STARD3NL: variants seen among roughly 807,000 people sequenced by gnomAD.
The protein encoded by STARD3NL is STARD3 N-terminal-like protein.
A neutral mutation model predicts 30.9 loss-of-function variants in STARD3NL; 17 were observed. That is an observed-to-expected ratio of 0.55 (90% CI 0.38 to 0.82). The LOEUF is 0.82. Among genes scored for constraint, STARD3NL ranks in the 40% least tolerant of loss-of-function variants. The pLI, the probability that STARD3NL is intolerant of heterozygous loss-of-function variation, is 0.00. For synonymous variants in STARD3NL, 112 were observed against 100.5 expected (o/e 1.11, Z -0.69); for missense variants, 234 against 277.6 (o/e 0.84, Z 1.12).
intron 7 of STARD3NL, among the ~76,000 whole-genome samples, chr7:38,221,862 T>C (rs1250421261): frequency 1.3e-5 from 2 of 152,216 alleles, no homozygotes; most frequent in Non-Finnish European, 2.9e-5. Flanking sequence ...CTCCAGCCAT[T>C]GTCCACCTTG....
At chr7:38,178,790 A>T (rs1784125634) in intron 1 of STARD3NL, among the ~76,000 whole-genome samples, 1 of 151,818 alleles carries the variant, frequency 6.6e-6, no homozygotes, top group African/African-American at 2.4e-5. Flanking sequence ...AGAATTGGTG[A>T]CTGGGTGTAA....
At chr7:38,220,839 C>T (rs553672191) in intron 7 of STARD3NL, among the ~76,000 whole-genome samples, 6 of 152,316 alleles carry the variant, frequency 3.9e-5, no homozygotes, top group African/African-American at 1.4e-4. Context: ...CACAGTGGCT[C>T]ATGCCTATAA....
At chr7:38,217,407 T>G (rs1583821923) in intron 6 of STARD3NL, 102 bp downstream of exon 6, 13 of 1,065,126 alleles carry the variant, frequency 1.2e-5, no homozygotes, top group Non-Finnish European at 7.0e-6. Context: ...ATGGGTAGAG[T>G]TAGGCAGTGG....
At chr7:38,220,275 C>A (rs1786376649) in intron 7 of STARD3NL, among the ~76,000 whole-genome samples, 2 of 152,144 alleles carry the variant, frequency 1.3e-5, no homozygotes, top group African/African-American at 4.8e-5. Flanking sequence ...AACAATTACA[C>A]TCAGCAACAA....
intron 4 of STARD3NL, chr7:38,216,714 A>C (rs1421268276): frequency 2.7e-6 from 1 of 372,138 alleles, no homozygotes; most frequent in Non-Finnish European, 4.9e-6. Context: ...CAGTCTCTTC[A>C]TGTGCTTGTA....
chr7:38,206,725 T>G (rs946631258), intron 1 of STARD3NL, among the ~76,000 whole-genome samples: 3 of 152,136 alleles, frequency 2.0e-5, no homozygotes, highest in African/African-American at 7.2e-5. Context: ...TATAAGGTAC[T>G]TTTGATGGAA....
intron 1 of STARD3NL, among the ~76,000 whole-genome samples, chr7:38,178,907 C>T (rs898588550): frequency 6.6e-6 from 1 of 151,766 alleles, no homozygotes; most frequent in Non-Finnish European, 1.5e-5. Context: ...TGAATGTTCT[C>T]CCTGTGGTTT....
At chr7:38,209,022 T>C (rs771568126) in intron 2 of STARD3NL, among the ~76,000 whole-genome samples, 1 of 152,166 alleles carries the variant, frequency 6.6e-6, no homozygotes, top group African/African-American at 2.4e-5. Flanking sequence ...ATTTGTCCCA[T>C]AATCACAGTG....
chr7:38,195,486 T>G (rs1040979412), intron 1 of STARD3NL, among the ~76,000 whole-genome samples: 11 of 152,352 alleles, frequency 7.2e-5, no homozygotes, highest in African/African-American at 2.6e-4. Context: ...TTGTGTGAGC[T>G]GTGAACCTCC....
At position 38,182,363 on chromosome 7, in the gene STARD3NL, A is replaced by G. The variant is rs74472738; in HGVS notation, c.-59+3943A>G. Among the ~76,000 whole-genome samples, 35 of 152,306 alleles carry G rather than the reference A, an allele frequency of 2.3e-4. No homozygotes were observed. In the East Asian group the frequency reaches 3.1e-3, roughly 13 times the overall value. On this transcript the variant is annotated intron_variant, in intron 1 of 8. Transcript: ENST00000009041. ...TAAATGTTGAAGGCACACTGTCACA[A>G]ATAAAATCAGTGTTCTCTGTGTTTA... is the stretch of plus-strand genomic sequence containing the variant.
Position 38,183,351 on chromosome 7 carries a change from G to A in STARD3NL, c.-59+4931G>A, listed in dbSNP as rs142777446. On this transcript the variant is annotated intron_variant, in intron 1 of 8. Coordinates refer to ENST00000009041, the MANE Select transcript of STARD3NL (RefSeq NM_032016.4). ...GTTGGGGACTGTTCTGTGCATTGTG[G>A]GATGTTTAGCAGCATCTCTGGCCCC... is the stretch of plus-strand genomic sequence containing the variant. Among the ~76,000 whole-genome samples, 581 of 152,246 alleles carry A rather than the reference G, an allele frequency of 3.8e-3. 1 individual carries two copies. The highest frequency in any genetic ancestry group is 0.013 in the African/African-American group (547 of 41,552).
At chr7:38,193,306 G>GTT (rs1784768425) in intron 1 of STARD3NL, among the ~76,000 whole-genome samples, 2 of 151,712 alleles carry the variant, frequency 1.3e-5, no homozygotes, top group African/African-American at 4.8e-5. Context: ...TGTTGTTGTT[G>GTT]TTGTTATTTT....
chr7:38,220,269 A>G (rs1174541847), intron 7 of STARD3NL, among the ~76,000 whole-genome samples: 1 of 152,214 alleles, frequency 6.6e-6, no homozygotes, highest in Admixed American at 6.5e-5. Flanking sequence ...AAAAATAACA[A>G]TTACACTCAG....
rs1259805640 is a variant in STARD3NL, at chr7:38,230,544, C to T, written c.*639C>T. 6.6e-6 allele frequency: 1 copy of T among 152,172 alleles called. No individual in the cohort carries two copies. The highest frequency in any genetic ancestry group is 2.4e-5 in the African/African-American group (1 of 41,462). 9.4% of individuals were successfully genotyped at this position (152,172 alleles called of 1,614,324 possible). A position where few individuals can be genotyped will look rare whatever the true frequency, so the allele number is the denominator to read the frequency against. ...ATTTGTATTATTTTTATCATGAAAT[C>T]ATGTTTTTCTCTGATTGTTCTGAAA... On this transcript the variant is annotated 3_prime_UTR_variant, in exon 9 of 9. Transcript: ENST00000009041.
Position 38,207,637 on chromosome 7 carries a change from A to G in STARD3NL, c.133A>G (p.Lys45Glu), listed in dbSNP as rs1247652982. 6.2e-7 allele frequency: 1 copy of G among 1,614,134 alleles called. No homozygotes were observed. Among genetic ancestry groups the G allele is most frequent in the Admixed American group, 1.7e-5 (1 of 60,010 alleles). ...ARIESYEGREKKGISDVRRTF... is the reference protein window; with the variant it reads ...ARIESYEGREEKGISDVRRTF... Reference sequence around the variant, plus strand: ...GATTGAGTCCTATGAAGGAAGGGAAAAGAAAGGCATATCTGATGTCAGGAG... The same window carrying G: ...GATTGAGTCCTATGAAGGAAGGGAAGAGAAAGGCATATCTGATGTCAGGAG... Residue 45 changes from lysine (K) to glutamate (E), a missense_variant, in exon 2 of 9, where the codon AAG becomes GAG. Physicochemically the swap from Lys to Glu is moderately conservative, Grantham distance 56. Transcript: ENST00000009041.
At chr7:38,187,865 C>T (rs1488096139) in intron 1 of STARD3NL, among the ~76,000 whole-genome samples, 1 of 152,138 alleles carries the variant, frequency 6.6e-6, no homozygotes. Context: ...CACATCCATC[C>T]TTCCAGTTTC....
At chr7:38,194,314 T>A (rs1784815572) in intron 1 of STARD3NL, among the ~76,000 whole-genome samples, 1 of 152,164 alleles carries the variant, frequency 6.6e-6, no homozygotes, top group South Asian at 2.1e-4. Context: ...TAAATTTGTT[T>A]ATGAAGTGTT....
chr7:38,226,688 G>T lies in STARD3NL; in HGVS notation c.650-2111G>T, dbSNP rs150276499. Among the ~76,000 whole-genome samples the T allele has an allele frequency of 2.7e-3, 412 of 152,322 alleles. 1 individual carries two copies. Among genetic ancestry groups the T allele is most frequent in the African/African-American group, 9.6e-3 (399 of 41,572 alleles). On this transcript the variant is annotated intron_variant, in intron 7 of 8. Transcript: ENST00000009041. ...TGGAGACAACACCAGCTGGGCATATGCTTGTCCCAGTGGTGACCACAACTC... is the reference window on the plus strand; with the variant it reads ...TGGAGACAACACCAGCTGGGCATATTCTTGTCCCAGTGGTGACCACAACTC...
At chr7:38,215,147 G>T (rs556461148) in intron 4 of STARD3NL, 42 bp downstream of exon 4, 15 of 1,586,774 alleles carry the variant, frequency 9.5e-6, no homozygotes, top group Non-Finnish European at 1.3e-5. Context: ...CTCCAGTGCT[G>T]GTGGCCAAGT....
Sources: gnomAD v4.1 joint callset for allele counts (sites outside exome capture counted in the v4.1 genomes callset) on GRCh38, gnomAD v4.1.1 for gene constraint, MANE v1.5 for transcripts, NCBI Gene and HGNC (gene_info 2026-07-23, HGNC 2026-07-21) for gene names.